Variants in SLC1A2 observed in about 807,000 individuals in gnomAD.
SLC1A2 encodes excitatory amino acid transporter 2.
A neutral mutation model predicts 48.8 loss-of-function variants in SLC1A2; 15 were observed. The observed-to-expected ratio is 0.31, with a 90% CI of 0.21 to 0.47. The LOEUF (loss-of-function observed/expected upper bound fraction) is 0.47. Among genes scored for constraint, SLC1A2 ranks in the 20% least tolerant of loss-of-function variants. The probability of loss-of-function intolerance (pLI) is 0.99; values close to 1 mark genes in which losing one functional copy is unlikely to be tolerated. For synonymous variants in SLC1A2, 279 were observed against 272.6 expected (o/e 1.02, Z -0.23); for missense variants, 502 against 730.5 (o/e 0.69, Z 3.61).
chr11:35,360,360 T>A (rs6484785), intron 1 of SLC1A2, among the ~76,000 whole-genome samples: 32,495 of 152,150 alleles, frequency 0.21, 3,754 homozygotes, highest in Middle Eastern at 0.27. Flanking sequence ...CCACGTTTTG[T>A]GAATTTCTAC....
intron 1 of SLC1A2, chr11:35,418,745 C>T: frequency 1.7e-6 from 1 of 579,586 alleles, no homozygotes; most frequent in Non-Finnish European, 3.1e-6. Context: ...AACCCTCCAC[C>T]TCTCGCATTT....
chr11:35,392,260 T>C (rs990488233), intron 1 of SLC1A2: 3 of 152,236 alleles, frequency 2.0e-5, no homozygotes, highest in African/African-American at 7.2e-5. Flanking sequence ...ACATTTTTGG[T>C]TTTATTTTCT....
At chr11:35,402,237 A>G (rs896772777) in intron 1 of SLC1A2, among the ~76,000 whole-genome samples, 3 of 152,170 alleles carry the variant, frequency 2.0e-5, no homozygotes, top group Non-Finnish European at 2.9e-5. Flanking sequence ...AAGACTAAGG[A>G]TTAGAACTTT....
In SLC1A2 at chr11:35,264,993, G is replaced by T. The variant is rs1950457077; in HGVS notation, c.1653+534C>A. The T allele has an allele frequency of 6.8e-5, 10 of 147,870 alleles. No homozygotes were observed. In the Admixed American group the frequency reaches 6.8e-4, roughly 10 times the overall value. 9.2% of individuals were successfully genotyped at this position (147,870 alleles called of 1,614,324 possible). A position where few individuals can be genotyped will look rare whatever the true frequency, so the allele number is the denominator to read the frequency against. On this transcript the variant is annotated intron_variant, in intron 10 of 10. Transcript: ENST00000278379. The stretch of plus-strand genomic sequence containing the variant: ...AGATGGAGTCTTGTTCTGTCGCCCA[G>T]GCTGGAGTGCGGTGGCGCAATCTCG...
intron 8 of SLC1A2, among the ~76,000 whole-genome samples, chr11:35,284,543 TTGTG>T (rs34712517): frequency 5.7e-4 from 85 of 150,048 alleles, no homozygotes; most frequent in African/African-American, 4.9e-4. Context: ...TGTTTTCATA[TTGTG>T]TGTGTGTGTG....
intron 3 of SLC1A2, among the ~76,000 whole-genome samples, chr11:35,314,711 TC>T (rs1851813702): frequency 8.1e-6 from 1 of 123,624 alleles, no homozygotes; most frequent in African/African-American, 3.0e-5. Context: ...AGACTCCATC[TC>T]AAAAAAAAAA....
chr11:35,261,574 C>A, intron 10 of SLC1A2: 1 of 397,718 alleles, frequency 2.5e-6, no homozygotes, highest in Non-Finnish European at 4.4e-6. Flanking sequence ...AATTACCAGA[C>A]CATCTATATT....
rs1353136431 is a variant in SLC1A2, at chr11:35,270,651, G to C, written c.1422-4893C>G. Among the ~76,000 whole-genome samples, 3 of 152,168 alleles carry C rather than the reference G, an allele frequency of 2.0e-5. No individual in the cohort carries two copies. In the East Asian group the frequency reaches 5.8e-4, roughly 29 times the overall value. ...ATGTTCAAAAAGAAATGAGTACAGA[G>C]TGCTACAGGGTCATGTAGGTAGAAC... On this transcript the variant is annotated intron_variant, in intron 9 of 10. Coordinates refer to ENST00000278379, the MANE Select transcript of SLC1A2 (RefSeq NM_004171.4).
intron 8 of SLC1A2, among the ~76,000 whole-genome samples, chr11:35,283,664 G>A (rs991668730): frequency 6.6e-6 from 1 of 152,172 alleles, no homozygotes; most frequent in Non-Finnish European, 1.5e-5. Context: ...TCAAGACCAA[G>A]AGTCGAGATA....
intron 1 of SLC1A2, among the ~76,000 whole-genome samples, chr11:35,393,536 C>T (rs1854848520): frequency 6.6e-6 from 1 of 152,200 alleles, no homozygotes; most frequent in Non-Finnish European, 1.5e-5. Context: ...TGACACCCCC[C>T]TCTTCACTTC....
intron 1 of SLC1A2, among the ~76,000 whole-genome samples, chr11:35,357,219 T>C (rs531406818): frequency 7.8e-4 from 116 of 149,504 alleles, no homozygotes; most frequent in African/African-American, 2.6e-3. Context: ...ATCGTGCCAC[T>C]GCACTCCAGC....
At chr11:35,306,294 G>GAA (rs370271591) in intron 4 of SLC1A2, 52 bp from the exon 5 acceptor site, 81 of 1,081,034 alleles carry the variant, frequency 7.5e-5, no homozygotes, top group South Asian at 9.6e-5. Context: ...CCTATAAGGT[G>GAA]AAAAAAAAAA....
intron 1 of SLC1A2, among the ~76,000 whole-genome samples, chr11:35,401,083 C>T (rs1489539282): frequency 1.3e-5 from 2 of 152,128 alleles, no homozygotes; most frequent in Admixed American, 1.3e-4. Context: ...ATTTAAAGAC[C>T]TGGAATCAAT....
intron 3 of SLC1A2, among the ~76,000 whole-genome samples, chr11:35,314,521 T>C (rs1246213910): frequency 6.6e-6 from 1 of 152,116 alleles, no homozygotes; most frequent in African/African-American, 2.4e-5. Flanking sequence ...GAGACCAGCT[T>C]GGCCAATATG....
intron 1 of SLC1A2, among the ~76,000 whole-genome samples, chr11:35,365,089 G>A (rs1853797243): frequency 6.6e-6 from 1 of 152,212 alleles, no homozygotes; most frequent in Non-Finnish European, 1.5e-5. Context: ...GATGTTAAGT[G>A]ACAAATCCAC....
intron 1 of SLC1A2, among the ~76,000 whole-genome samples, chr11:35,364,089 TG>T (rs1853767394): frequency 6.6e-6 from 1 of 152,150 alleles, no homozygotes; most frequent in Non-Finnish European, 1.5e-5. Flanking sequence ...AGAGTCTGCT[TG>T]CTCTGACACT....
At chr11:35,317,135 A>G (rs962281286) in intron 2 of SLC1A2, 3 of 484,074 alleles carry the variant, frequency 6.2e-6, no homozygotes, top group Non-Finnish European at 1.1e-5. Flanking sequence ...TCCACATGCC[A>G]ACACTCTCAC....
chr11:35,322,696 A>G, intron 1 of SLC1A2: 1 of 1,401,648 alleles, frequency 7.1e-7, no homozygotes, highest in Non-Finnish European at 9.8e-7. Context: ...TCAAGAACAA[A>G]AACAGTGCTC....
chr11:35,387,663 C>T (rs767510090), intron 1 of SLC1A2, among the ~76,000 whole-genome samples: 5 of 151,958 alleles, frequency 3.3e-5, no homozygotes, highest in Non-Finnish European at 7.4e-5. Context: ...CTGACAGAAA[C>T]CATACATGTA....
Sources: gnomAD v4.1 joint callset for allele counts (sites outside exome capture counted in the v4.1 genomes callset) on GRCh38, gnomAD v4.1.1 for gene constraint, MANE v1.5 for transcripts, NCBI Gene and HGNC (gene_info 2026-07-23, HGNC 2026-07-21) for gene names.